The following PUS7L variants were observed in gnomAD, a reference collection of about 807,000 sequenced individuals.
PUS7L encodes pseudouridylate synthase PUS7L.
In PUS7L, 49 loss-of-function variants were observed where a neutral mutation model predicts 51.1. The observed-to-expected ratio is 0.96, with a 90% CI of 0.76 to 1.22. PUS7L has a LOEUF of 1.22. PUS7L is among the 50% of genes most tolerant of loss of function. The pLI is 0.00. For synonymous variants in PUS7L, 277 were observed against 276.2 expected, an observed-to-expected ratio of 1.00 and a Z score of -0.03; for missense variants, 828 against 820.6, an observed-to-expected ratio of 1.01 and a Z score of -0.11.
intron 2 of PUS7L, among the ~76,000 whole-genome samples, chr12:43,750,587 G>C (rs758988398): frequency 3.3e-5 from 5 of 152,104 alleles, no homozygotes; most frequent in Non-Finnish European, 7.4e-5. Flanking sequence ...CAATTTTAGA[G>C]ACTTCCACTT....
At chr12:43,749,938 G>A (rs969150616) in intron 2 of PUS7L, among the ~76,000 whole-genome samples, 1 of 152,038 alleles carries the variant, frequency 6.6e-6, no homozygotes, top group Non-Finnish European at 1.5e-5. Flanking sequence ...CTACCTGTTG[G>A]GTACTATGCT....
intron 7 of PUS7L, 47 bp downstream of exon 7, chr12:43,736,334 C>T: frequency 6.6e-7 from 1 of 1,516,074 alleles, no homozygotes; most frequent in Non-Finnish European, 9.0e-7. Flanking sequence ...AATTCATGTT[C>T]TGGTATAGTA....
At chr12:43,732,731 C>T (rs1414881275) in intron 7 of PUS7L, among the ~76,000 whole-genome samples, 46 of 152,180 alleles carry the variant, frequency 3.0e-4, no homozygotes, top group Admixed American at 3.0e-3. Context: ...TCTAAATCTA[C>T]CTGATTTCCC....
chr12:43,726,349 G>A lies in PUS7L; in HGVS notation c.*4027C>T, dbSNP rs533013915. The A allele has an allele frequency of 1.3e-5, 2 of 152,242 alleles. No homozygotes were observed. Among genetic ancestry groups the A allele is most frequent in the South Asian group, 4.1e-4 (2 of 4,826 alleles). 9.4% of individuals were successfully genotyped at this position (152,242 alleles called of 1,614,324 possible). A position where few individuals can be genotyped will look rare whatever the true frequency, so the allele number is the denominator to read the frequency against. On this transcript the variant is annotated 3_prime_UTR_variant, in exon 9 of 9. Transcript: ENST00000344862. ...GGATAACTGGTTAGCCACATCCTGA[G>A]GATTGAAACTGGACCCCTTCTTTTT...
chr12:43,757,179 CT>C (rs11482179), intron 1 of PUS7L, among the ~76,000 whole-genome samples: 1 of 146,892 alleles, frequency 6.8e-6, no homozygotes, highest in South Asian at 2.1e-4. Context: ...AAGTGATTCT[CT>C]TTTTTTTTGA....
At position 43,724,994 on chromosome 12, in the gene PUS7L, G is replaced by A. The variant is rs935181038; in HGVS notation, c.*5382C>T. ...CTAGCTACATATTATATTGTTGACT[G>A]CTGATGTTTCTGAGCCTGAGGCCTG... On this transcript the variant is annotated 3_prime_UTR_variant, in exon 9 of 9. Coordinates refer to ENST00000344862, the MANE Select transcript of PUS7L (RefSeq NM_031292.5). 6.6e-6 allele frequency: 1 copy of A among 152,174 alleles called. No individual in the cohort carries two copies. The highest frequency in any genetic ancestry group is 2.4e-5 in the African/African-American group (1 of 41,454). 9.4% of individuals were successfully genotyped at this position (152,174 alleles called of 1,614,324 possible). A position where few individuals can be genotyped will look rare whatever the true frequency, so the allele number is the denominator to read the frequency against.
At position 43,722,618 on chromosome 12, in the gene PUS7L, T is replaced by A. The variant is rs373047188; in HGVS notation, c.*7758A>T. 1 of 152,124 alleles carries A rather than the reference T, an allele frequency of 6.6e-6. No homozygotes were observed. The highest frequency in any genetic ancestry group is 2.4e-5 in the African/African-American group (1 of 41,444). The allele number at this position is 152,124 out of a possible 1,614,324, so 9.4% of individuals were successfully genotyped here. ...CCTTTTGAAAATCATATGCAAAAAATTCATTTTATTATAACCTATCATTCA... is the reference window on the plus strand; with the variant it reads ...CCTTTTGAAAATCATATGCAAAAAAATCATTTTATTATAACCTATCATTCA... On this transcript the variant is annotated 3_prime_UTR_variant, in exon 9 of 9. Transcript: ENST00000344862.
chr12:43,750,603 C>A (rs1938396668), intron 2 of PUS7L, among the ~76,000 whole-genome samples: 1 of 151,994 alleles, frequency 6.6e-6, no homozygotes, highest in South Asian at 2.1e-4. Context: ...CACTTTGAGC[C>A]CTGTTGGAAT....
rs1944698214 is a variant in PUS7L, at chr12:43,736,601, A to G, written c.1505T>C (p.Leu502Ser). The change falls in exon 7 of 9, where the codon TTG becomes TCG. Residue 502 changes from leucine (L) to serine (S), a missense_variant. Coordinates refer to ENST00000344862, the MANE Select transcript of PUS7L (RefSeq NM_031292.5). ...PEFKVRERAL[L>S]EALHRFGMTE... is the part of the protein sequence containing the mutation. Reference sequence around the variant, plus strand: ...CATGCCAAAGCGGTGCAATGCCTCCAACAATGCTCTCTCACGCACTTTGAA... The same window carrying G: ...CATGCCAAAGCGGTGCAATGCCTCCGACAATGCTCTCTCACGCACTTTGAA... 6.2e-7 allele frequency: 1 copy of G among 1,613,944 alleles called. No individual in the cohort carries two copies. Among genetic ancestry groups the G allele is most frequent in the Admixed American group, 1.7e-5 (1 of 59,996 alleles).
rs144443060 is a variant in PUS7L at position 43,724,335 on chromosome 12, T to C, written c.*6041A>G. ...CTAAAAATATGAATTGTAATTACTTTATGCTAAAACTAAGTCAGATCAGAC... is the reference window on the plus strand; with the variant it reads ...CTAAAAATATGAATTGTAATTACTTCATGCTAAAACTAAGTCAGATCAGAC... On this transcript the variant is annotated 3_prime_UTR_variant, in exon 9 of 9. Coordinates refer to ENST00000344862, the MANE Select transcript of PUS7L (RefSeq NM_031292.5). 1.8e-3 allele frequency: 274 copies of C among 152,100 alleles called. 1 individual carries two copies. The highest frequency in any genetic ancestry group is 6.2e-3 in the African/African-American group (259 of 41,546). The allele number at this position is 152,100 out of a possible 1,614,324, so 9.4% of individuals were successfully genotyped here. A position where few individuals can be genotyped will look rare whatever the true frequency, so the allele number is the denominator to read the frequency against.
Position 43,729,280 on chromosome 12 carries a change from C to T in PUS7L, c.*1096G>A, listed in dbSNP as rs1944498202. Reference sequence around the variant, plus strand: ...TTCTTTTGGATTTTATTTCCTAATGCTAACATTTCCCAAAATGGTTAAACT... The same window carrying T: ...TTCTTTTGGATTTTATTTCCTAATGTTAACATTTCCCAAAATGGTTAAACT... On this transcript the variant is annotated 3_prime_UTR_variant, in exon 9 of 9. Coordinates refer to ENST00000344862, the MANE Select transcript of PUS7L (RefSeq NM_031292.5). 2.5e-6 allele frequency: 1 copy of T among 397,324 alleles called. No homozygotes were observed. The highest frequency in any genetic ancestry group is 4.4e-6 in the Non-Finnish European group (1 of 225,286). 24.6% of individuals were successfully genotyped at this position (397,324 alleles called of 1,614,324 possible). A position where few individuals can be genotyped will look rare whatever the true frequency, so the allele number is the denominator to read the frequency against.
chr12:43,752,072 G>C (rs1165375942), intron 2 of PUS7L, among the ~76,000 whole-genome samples: 9 of 152,078 alleles, frequency 5.9e-5, no homozygotes, highest in African/African-American at 2.2e-4. Context: ...AAATTTGTTT[G>C]AGTTCTTTGT....
rs982299555 is a variant in PUS7L at position 43,736,590 on chromosome 12, G to A, written c.1516C>T (p.His506Tyr). Residue 506 changes from histidine to tyrosine, a missense_variant, in exon 7 of 9, where the codon CAC (histidine) becomes TAC (tyrosine). Coordinates refer to ENST00000344862, the MANE Select transcript of PUS7L (RefSeq NM_031292.5). ...VRERALLEAL[H>Y]RFGMTEEGCI... ...CCTTCCTCGGTCATGCCAAAGCGGT[G>A]CAATGCCTCCAACAATGCTCTCTCA... The A allele has an allele frequency of 2.5e-6, 4 of 1,614,170 alleles. No individual in the cohort carries two copies. The highest frequency in any genetic ancestry group is 3.4e-6 in the Non-Finnish European group (4 of 1,180,016).
At chr12:43,749,620 C>T (rs1938345852) in intron 2 of PUS7L, among the ~76,000 whole-genome samples, 1 of 151,992 alleles carries the variant, frequency 6.6e-6, no homozygotes, top group Admixed American at 6.6e-5. Flanking sequence ...TAGCAAGCCA[C>T]GATGGTGCCA....
At chr12:43,735,976 A>G (rs1365108549) in intron 7 of PUS7L, among the ~76,000 whole-genome samples, 1 of 152,030 alleles carries the variant, frequency 6.6e-6, no homozygotes, top group Non-Finnish European at 1.5e-5. Context: ...GGGCTTCACC[A>G]TGTTGGTCAG....
At position 43,754,758 on chromosome 12, in the gene PUS7L, A is replaced by G. The variant is rs1938613607; in HGVS notation, c.488T>C (p.Ile163Thr). 2 of 1,614,004 alleles carry G rather than the reference A, an allele frequency of 1.2e-6. No individual in the cohort carries two copies. Among genetic ancestry groups the G allele is most frequent in the Non-Finnish European group, 1.7e-6 (2 of 1,179,920 alleles). Residue 163 changes from isoleucine (I) to threonine (T), a missense_variant, in exon 2 of 9, where the codon ATA (isoleucine) becomes ACA (threonine). Transcript: ENST00000344862. ...CTGGTTTTTGTCAAGGATTCTGCCT[A>G]TTGAGAATTCAGGAGGTAGTCCAAT... The part of the protein sequence containing the change: ...ELIGLPPEFS[I>T]GRILDKNQRA...
At chr12:43,735,839 C>T (rs1022123178) in intron 7 of PUS7L, among the ~76,000 whole-genome samples, 3 of 152,092 alleles carry the variant, frequency 2.0e-5, no homozygotes, top group African/African-American at 4.8e-5. Flanking sequence ...CGCCATGGCA[C>T]GATCTCGGCT....
At chr12:43,749,187 C>G (rs1254586503) in intron 2 of PUS7L, among the ~76,000 whole-genome samples, 1 of 152,106 alleles carries the variant, frequency 6.6e-6, no homozygotes, top group Admixed American at 6.5e-5. Flanking sequence ...CCAAGTGCAC[C>G]ACTTCCCTTC....
chr12:43,755,103 T>C lies in PUS7L; in HGVS notation c.143A>G (p.Lys48Arg). The change falls in exon 2 of 9, where the codon AAG becomes AGG. Residue 48 changes from lysine (K) to arginine (R), a missense_variant. Coordinates refer to ENST00000344862, the MANE Select transcript of PUS7L (RefSeq NM_031292.5). ...CTTGAAAATAGGCTCATCGATGGTC[T>C]TATTAACTAACTGTCCCTGTTCATC... ...EIDEQGQLVN[K>R]TIDEPIFKIS... 1 of 1,613,730 alleles carries C rather than the reference T, an allele frequency of 6.2e-7. No individual in the cohort carries two copies. The highest frequency in any genetic ancestry group is 1.7e-4 in the Middle Eastern group (1 of 6,056).
Sources: allele counts gnomAD v4.1 joint callset (sites outside exome capture counted in the v4.1 genomes callset), GRCh38; gene constraint gnomAD v4.1.1; transcripts MANE v1.5; gene names NCBI Gene and HGNC (gene_info 2026-07-23, HGNC 2026-07-21).